Variants in DSC1 observed in about 807,000 individuals in gnomAD.
The protein encoded by DSC1 is desmocollin-1.
Under a neutral mutation model 98.8 loss-of-function variants are expected in DSC1, and 79 were observed. That is an observed-to-expected ratio of 0.80 (90% confidence interval 0.67 to 0.96). DSC1 has a LOEUF of 0.96. Among genes scored for constraint, DSC1 ranks in the 50% least tolerant of loss-of-function variants. The pLI is 0.00. For missense variants in DSC1, 1,115 were observed against 1,075.9 expected (o/e 1.04, Z -0.51); for synonymous variants, 405 against 372.1 (o/e 1.09, Z -1.02).
At chr18:31,144,129 C>A (rs1164759326) in intron 7 of DSC1, among the ~76,000 whole-genome samples, 1 of 151,992 alleles carries the variant, frequency 6.6e-6, no homozygotes, top group Admixed American at 6.6e-5. Flanking sequence ...AGGCTGGTCA[C>A]GAACTCCTGA....
intron 2 of DSC1, 41 bp downstream of exon 2, chr18:31,159,404 T>C (rs755532319): frequency 1.3e-6 from 2 of 1,593,300 alleles, no homozygotes; most frequent in Non-Finnish European, 8.6e-7. Flanking sequence ...CAGCTAAATG[T>C]GACAAGTTAC....
chr18:31,162,575 G>A lies in DSC1; in HGVS notation c.20C>T (p.Ala7Val), dbSNP rs1989230590. The A allele has an allele frequency of 6.2e-7, 1 of 1,614,150 alleles. No individual in the cohort carries two copies. The highest frequency in any genetic ancestry group is 8.5e-7 in the Non-Finnish European group (1 of 1,180,018). MALASA[A>V]PGSIFCKQLL... is the part of the protein sequence containing the mutation. ...CTGCTTACAGAAGATGCTCCCTGGGGCAGCAGAGGCCAGAGCCATCAGAAG... is the reference window on the plus strand; with the variant it reads ...CTGCTTACAGAAGATGCTCCCTGGGACAGCAGAGGCCAGAGCCATCAGAAG... Residue 7 changes from alanine to valine, a missense_variant, in exon 1 of 16, where the codon GCC (alanine) becomes GTC (valine). Ala to Val is a moderately conservative substitution (Grantham distance 64). Transcript: ENST00000257198.
rs1185364713 is a variant in DSC1 at position 31,131,548 on chromosome 18, G to A, written c.2487+46C>T. The A allele has an allele frequency of 3.7e-6, 6 of 1,601,216 alleles. No homozygotes were observed. In the African/African-American group the frequency reaches 6.7e-5, roughly 18 times the overall value. Reference sequence around the variant, plus strand: ...TTTGGGAAATTCTGATTTATAACTAGCATTTAACTTCCATGTAATATGACC... The same window carrying A: ...TTTGGGAAATTCTGATTTATAACTAACATTTAACTTCCATGTAATATGACC... On this transcript the variant is annotated intron_variant, in intron 15 of 15. Transcript: ENST00000257198.
rs1022340056 is a variant in DSC1, at chr18:31,135,491, A to C, written c.1664-707T>G. 5.7e-4 allele frequency among the ~76,000 whole-genome samples: 86 copies of C among 152,162 alleles called. 6 individuals carry two copies. The highest frequency in any genetic ancestry group is 4.4e-5 in the Non-Finnish European group (3 of 68,018). On this transcript the variant is annotated intron_variant, in intron 11 of 15. Coordinates refer to ENST00000257198, the MANE Select transcript of DSC1 (RefSeq NM_024421.2). The stretch of plus-strand genomic sequence containing the variant: ...TGATTTGCCCAGTATTTCCCAGCTA[A>C]CTATAACTTAATACTGACACATTGA...
intron 2 of DSC1, among the ~76,000 whole-genome samples, chr18:31,158,408 T>C (rs1989142704): frequency 6.6e-6 from 1 of 152,250 alleles, no homozygotes. Flanking sequence ...CCTTTACAGA[T>C]TCATATTTAA....
chr18:31,160,006 T>A (rs1187945917), intron 1 of DSC1, among the ~76,000 whole-genome samples: 1 of 152,192 alleles, frequency 6.6e-6, no homozygotes, highest in African/African-American at 2.4e-5. Flanking sequence ...AGAAAAATAA[T>A]GCCCCCAAAA....
intron 11 of DSC1, 35 bp downstream of exon 11, chr18:31,139,713 A>G (rs1988688114): frequency 6.6e-7 from 1 of 1,526,152 alleles, no homozygotes; most frequent in Admixed American, 2.2e-5. Context: ...AACATGTCAT[A>G]TATTTATATT....
chr18:31,140,908 A>G (rs1988721255), intron 9 of DSC1, among the ~76,000 whole-genome samples: 1 of 152,150 alleles, frequency 6.6e-6, no homozygotes, highest in Non-Finnish European at 1.5e-5. Flanking sequence ...AGGTAATTGA[A>G]TCTTGGGGGC....
chr18:31,162,473 G>A, intron 1 of DSC1, 59 bp downstream of exon 1: 1 of 1,543,120 alleles, frequency 6.5e-7, no homozygotes, highest in South Asian at 1.1e-5. Context: ...AGCCCAAACT[G>A]CAGAGAGGAA....
chr18:31,142,811 T>C (rs983124801), intron 8 of DSC1, among the ~76,000 whole-genome samples: 2 of 152,104 alleles, frequency 1.3e-5, no homozygotes, highest in Non-Finnish European at 2.9e-5. Flanking sequence ...TGATAGACAC[T>C]GGAGCGTAAT....
At chr18:31,134,538 C>T (rs774545988) in intron 12 of DSC1, 34 bp downstream of exon 12, 5 of 1,496,594 alleles carry the variant, frequency 3.3e-6, no homozygotes, top group Admixed American at 3.8e-5. Context: ...ATCTGAAGTC[C>T]GTATTGACTA....
intron 14 of DSC1, chr18:31,132,232 G>A (rs1210940273): frequency 8.7e-6 from 3 of 343,468 alleles, no homozygotes; most frequent in Non-Finnish European, 1.6e-5. Flanking sequence ...ATAAGCCAGG[G>A]AATTGGCAGA....
intron 13 of DSC1, among the ~76,000 whole-genome samples, chr18:31,132,984 A>G (rs533590573): frequency 5.9e-5 from 9 of 152,196 alleles, no homozygotes; most frequent in Non-Finnish European, 1.2e-4. Context: ...ATTAGTAGTT[A>G]AAATCATACA....
At chr18:31,159,629 A>C in intron 1 of DSC1, 100 bp from the exon 2 acceptor site, 2 of 1,135,904 alleles carry the variant, frequency 1.8e-6, no homozygotes, top group Non-Finnish European at 2.5e-6. Context: ...CAATTTTGGA[A>C]ACAAATTAAT....
intron 6 of DSC1, among the ~76,000 whole-genome samples, chr18:31,148,262 G>C (rs1213847331): frequency 6.6e-6 from 1 of 152,086 alleles, no homozygotes; most frequent in African/African-American, 2.4e-5. Flanking sequence ...AGGGAAAAAT[G>C]TATAATATTT....
At chr18:31,146,747 T>C (rs563955414) in intron 6 of DSC1, among the ~76,000 whole-genome samples, 1 of 152,334 alleles carries the variant, frequency 6.6e-6, no homozygotes, top group Admixed American at 6.5e-5. Flanking sequence ...TGGGACCTTC[T>C]CTGCATACCT....
chr18:31,160,307 T>C (rs1989185713), intron 1 of DSC1, among the ~76,000 whole-genome samples: 1 of 152,220 alleles, frequency 6.6e-6, no homozygotes, highest in Non-Finnish European at 1.5e-5. Flanking sequence ...TTTCTGTTTG[T>C]TCCTCTTTAT....
At chr18:31,159,645 A>G (rs1989174782) in intron 1 of DSC1, 116 bp from the exon 2 acceptor site, 1 of 990,074 alleles carries the variant, frequency 1.0e-6, no homozygotes, top group African/African-American at 1.7e-5. Flanking sequence ...TTAATCATTT[A>G]ATTCTTTACA....
chr18:31,130,714 G>T lies in DSC1; in HGVS notation c.2488-3C>A, dbSNP rs1310746947. 1 of 1,613,046 alleles carries T rather than the reference G, an allele frequency of 6.2e-7. No homozygotes were observed. ...TCTTGTCCACACAAATACACCTTCT[G>T]TATCAAAAAAGAGCACATTTTATTA... On this transcript the variant is annotated splice_polypyrimidine_tract_variant and splice_region_variant and intron_variant, in intron 15 of 15. Coordinates refer to ENST00000257198, the MANE Select transcript of DSC1 (RefSeq NM_024421.2).
Sources: allele counts gnomAD v4.1 joint callset (sites outside exome capture counted in the v4.1 genomes callset), GRCh38; gene constraint gnomAD v4.1.1; transcripts MANE v1.5; gene names NCBI Gene and HGNC (gene_info 2026-07-23, HGNC 2026-07-21).